CENPN: variants seen among roughly 807,000 people sequenced by gnomAD.
CENPN encodes centromere protein N.
In CENPN, 36 loss-of-function variants were observed where a neutral mutation model predicts 48.6. That is an observed-to-expected ratio of 0.74 (90% CI 0.57 to 0.98). The LOEUF is 0.98. Among genes scored for constraint, CENPN ranks in the 50% least tolerant of loss-of-function variants. The pLI is 0.00. For synonymous variants in CENPN, 166 were observed against 135.2 expected (o/e 1.23, Z -1.58); for missense variants, 439 against 399.2 (o/e 1.10, Z -0.85).
intron 1 of CENPN, among the ~76,000 whole-genome samples, chr16:81,011,170 T>C (rs1214703537): frequency 6.6e-6 from 1 of 152,186 alleles, no homozygotes; most frequent in Non-Finnish European, 1.5e-5. Flanking sequence ...CTCAGGACTT[T>C]TGCACATGCT....
At chr16:81,028,443 C>G in intron 10 of CENPN, 126 bp from the exon 11 acceptor site, 2 of 1,485,316 alleles carry the variant, frequency 1.3e-6, no homozygotes, top group Non-Finnish European at 1.8e-6. Context: ...TGCTTCTGTA[C>G]TTAATAGGGA....
At position 81,011,964 on chromosome 16, in the gene CENPN, A is replaced by G; in HGVS notation, c.25A>G (p.Ile9Val). 6.2e-7 allele frequency: 1 copy of G among 1,614,226 alleles called. No homozygotes were observed. Among genetic ancestry groups the G allele is most frequent in the Non-Finnish European group, 8.5e-7 (1 of 1,180,024 alleles). The change falls in exon 2 of 11, where the codon ATC becomes GTC. Residue 9 changes from isoleucine to valine, a missense_variant. Transcript: ENST00000305850. ...GATGGATGAGACTGTTGCTGAGTTC[A>G]TCAAGAGGACCATCTTGAAAATCCC... MDETVAEF[I>V]KRTILKIPMN...
chr16:81,022,931 G>A lies in CENPN; in HGVS notation c.633+233G>A, dbSNP rs1252427108. ...CTCATTAGTCACTGGAGTCTGTGTTGTAGATCTCAGCTTCCAAATCACCTG... is the reference window on the plus strand; with the variant it reads ...CTCATTAGTCACTGGAGTCTGTGTTATAGATCTCAGCTTCCAAATCACCTG... On this transcript the variant is annotated intron_variant, in intron 7 of 10. Transcript: ENST00000305850. 5 of 1,518,356 alleles carry A rather than the reference G, an allele frequency of 3.3e-6. No individual in the cohort carries two copies. The African/African-American group carries it at 4.2e-5, about 13-fold the overall frequency. The allele number at this position is 1,518,356 out of a possible 1,614,324, so 94.1% of individuals were successfully genotyped here.
chr16:81,010,121 C>T (rs906662016), intron 1 of CENPN, among the ~76,000 whole-genome samples: 3 of 152,154 alleles, frequency 2.0e-5, no homozygotes, highest in Non-Finnish European at 2.9e-5. Flanking sequence ...ATCACTTGAA[C>T]CAGGCAGGGG....
intron 2 of CENPN, 90 bp from the exon 3 acceptor site, chr16:81,014,046 G>A (rs548058231): frequency 2.3e-4 from 227 of 998,110 alleles, no homozygotes; most frequent in Non-Finnish European, 3.4e-4. Flanking sequence ...TGTGCTAATA[G>A]TCTGTTCTAA....
At chr16:81,019,677 A>T (rs1202831817) in intron 5 of CENPN, among the ~76,000 whole-genome samples, 1 of 151,926 alleles carries the variant, frequency 6.6e-6, no homozygotes, top group African/African-American at 2.4e-5. Flanking sequence ...AAGCCCAAGA[A>T]ATTATTGAAA....
chr16:81,021,145 C>T (rs1485207621), intron 6 of CENPN, among the ~76,000 whole-genome samples: 1 of 151,566 alleles, frequency 6.6e-6, no homozygotes, highest in Non-Finnish European at 1.5e-5. Flanking sequence ...AATGAATATA[C>T]CTCATTACTT....
rs1029372136 is a variant in CENPN at position 81,031,029 on chromosome 16, A to T, written c.*2378A>T. The T allele has an allele frequency of 4.6e-5, 7 of 152,206 alleles. No homozygotes were observed. The highest frequency in any genetic ancestry group is 1.0e-4 in the Non-Finnish European group (7 of 68,060). 9.4% of individuals were successfully genotyped at this position (152,206 alleles called of 1,614,324 possible). On this transcript the variant is annotated 3_prime_UTR_variant, in exon 11 of 11. Coordinates refer to ENST00000305850, the MANE Select transcript of CENPN (RefSeq NM_001100624.3). ...GCACCACTGCACTCCAGCCTAGGTG[A>T]CAGAGTGAGACTCCATCTTAAAAAA...
rs150065918 is a variant in CENPN at position 81,020,222 on chromosome 16, G to C, written c.477G>C (p.Pro159=). The C allele has an allele frequency of 6.6e-5, 107 of 1,613,932 alleles. No individual in the cohort carries two copies. Among genetic ancestry groups the C allele is most frequent in the Non-Finnish European group, 8.4e-5 (99 of 1,180,012 alleles). The change falls in exon 6 of 11, where the codon CCG becomes CCC. Residue 159 remains proline, a synonymous_variant. Transcript: ENST00000305850. ...PTYVVYYSQT[P]YAFTSSSMLR... ...ACGTGGTGTACTACTCCCAGACTCC[G>C]TACGCCTTCACGTCCTCCTCCATGC...
intron 1 of CENPN, among the ~76,000 whole-genome samples, chr16:81,008,609 T>G (rs974319517): frequency 6.6e-6 from 1 of 152,160 alleles, no homozygotes; most frequent in African/African-American, 2.4e-5. Context: ...TGACCTCAAG[T>G]GATACACCAC....
chr16:81,013,396 G>A (rs779127544), intron 2 of CENPN, among the ~76,000 whole-genome samples: 37 of 152,148 alleles, frequency 2.4e-4, no homozygotes, highest in Non-Finnish European at 4.6e-4. Flanking sequence ...TAGAGACATG[G>A]GAACCAAGAA....
intron 3 of CENPN, among the ~76,000 whole-genome samples, chr16:81,015,620 T>C (rs944867098): frequency 4.6e-5 from 7 of 152,210 alleles, no homozygotes; most frequent in Non-Finnish European, 1.0e-4. Context: ...CTGCCTCTGA[T>C]TTAGTTTGTC....
intron 1 of CENPN, 45 bp downstream of exon 1, chr16:81,007,322 G>C (rs1177481649): frequency 6.6e-6 from 1 of 152,436 alleles, no homozygotes; most frequent in African/African-American, 2.4e-5. Context: ...CGGAGGGTGT[G>C]GGGCCTTGAG....
chr16:81,011,203 T>C (rs1011528777), intron 1 of CENPN, among the ~76,000 whole-genome samples: 7 of 152,196 alleles, frequency 4.6e-5, no homozygotes, highest in African/African-American at 1.7e-4. Context: ...TGGAAAGCTC[T>C]TCCACCACAT....
chr16:81,018,870 G>A lies in CENPN; in HGVS notation c.354+1036G>A, dbSNP rs185183493. ...GATCTCAGAGGGAGGAAACAGAGACGTGGGCAAGCTGAGTGCATCTCACTC... is the reference window on the plus strand; with the variant it reads ...GATCTCAGAGGGAGGAAACAGAGACATGGGCAAGCTGAGTGCATCTCACTC... On this transcript the variant is annotated intron_variant, in intron 5 of 10. Coordinates refer to ENST00000305850, the MANE Select transcript of CENPN (RefSeq NM_001100624.3). Among the ~76,000 whole-genome samples the A allele has an allele frequency of 1.7e-3, 256 of 152,346 alleles. 1 individual carries two copies. The highest frequency in any genetic ancestry group is 1.3e-3 in the Non-Finnish European group (88 of 68,036).
chr16:81,032,635 C>A, downstream of CENPN: 2 of 1,613,852 alleles, frequency 1.2e-6, no homozygotes, highest in Non-Finnish European at 1.7e-6. Flanking sequence ...GACCCAGGAC[C>A]CGAGCAGCTG....
downstream of CENPN, chr16:81,032,445 G>A (rs1970811184): frequency 1.1e-6 from 1 of 910,376 alleles, no homozygotes; most frequent in Admixed American, 2.6e-5. Context: ...ACACCCCATT[G>A]GGGGTTGGGG....
chr16:81,030,366 A>AT lies in CENPN; in HGVS notation c.*1715_*1716insT. ...CCCAGCACTTCAGGAGGTTTCTCCT[A>AT]GTGTACTCTCACACTTCTGATACCA... On this transcript the variant is annotated 3_prime_UTR_variant, in exon 11 of 11. Transcript: ENST00000305850. 1.0e-6 allele frequency: 1 copy of AT among 985,050 alleles called. No individual in the cohort carries two copies. Among genetic ancestry groups the AT allele is most frequent in the Non-Finnish European group, 1.2e-6 (1 of 829,796 alleles). The allele number at this position is 985,050 out of a possible 1,614,324, so 61.0% of individuals were successfully genotyped here. A position where few individuals can be genotyped will look rare whatever the true frequency, so the allele number is the denominator to read the frequency against.
At chr16:81,012,754 C>T (rs1969794967) in intron 2 of CENPN, among the ~76,000 whole-genome samples, 1 of 152,138 alleles carries the variant, frequency 6.6e-6, no homozygotes, top group African/African-American at 2.4e-5. Context: ...CACCACCACA[C>T]TGGCTAATTT....
Sources: gnomAD v4.1 joint callset for allele counts (sites outside exome capture counted in the v4.1 genomes callset) on GRCh38, gnomAD v4.1.1 for gene constraint, MANE v1.5 for transcripts, NCBI Gene and HGNC (gene_info 2026-07-23, HGNC 2026-07-21) for gene names.